MAPK10: variants seen among roughly 807,000 people sequenced by gnomAD.
The protein encoded by MAPK10 is mitogen-activated protein kinase 10.
In MAPK10, 25 loss-of-function variants were observed where a neutral mutation model predicts 59.3. The observed-to-expected ratio is 0.42, with a 90% confidence interval of 0.31 to 0.59. MAPK10 has a LOEUF of 0.59. Ranked by LOEUF, MAPK10 falls within the 20% of genes least tolerant of loss-of-function variation. The pLI is 0.15. For synonymous variants in MAPK10, 190 were observed against 200.5 expected (o/e 0.95, Z 0.44); for missense variants, 351 against 568.9 (o/e 0.62, Z 3.90).
intron 2 of MAPK10, among the ~76,000 whole-genome samples, chr4:86,251,655 T>C (rs1181438236): frequency 1.3e-4 from 17 of 134,830 alleles, no homozygotes; most frequent in African/African-American, 4.3e-4. Context: ...TGTGTCTTTA[T>C]AGCAGCATGA....
chr4:86,498,422 G>A (rs927520303), intron 1 of MAPK10, among the ~76,000 whole-genome samples: 1 of 152,130 alleles, frequency 6.6e-6, no homozygotes, highest in African/African-American at 2.4e-5. Flanking sequence ...AACACAAGGA[G>A]TAACAACAGA....
intron 1 of MAPK10, among the ~76,000 whole-genome samples, chr4:86,529,613 C>G (rs1290396037): frequency 1.3e-5 from 2 of 151,980 alleles, no homozygotes; most frequent in Non-Finnish European, 2.9e-5. Context: ...CTCTCACATA[C>G]TTGACTTGAG....
chr4:86,309,513 TC>T (rs1474527774), intron 2 of MAPK10, among the ~76,000 whole-genome samples: 2 of 152,182 alleles, frequency 1.3e-5, no homozygotes, highest in South Asian at 2.1e-4. Flanking sequence ...AGGAGATGCT[TC>T]CAGCAATACT....
intron 2 of MAPK10, among the ~76,000 whole-genome samples, chr4:86,268,911 T>C (rs994742767): frequency 2.6e-5 from 4 of 152,150 alleles, no homozygotes; most frequent in Non-Finnish European, 5.9e-5. Context: ...GTAAAATATA[T>C]ACTTCTTGAG....
chr4:86,440,320 C>T (rs1749258616), intron 1 of MAPK10, among the ~76,000 whole-genome samples: 1 of 152,090 alleles, frequency 6.6e-6, no homozygotes, highest in Non-Finnish European at 1.5e-5. Flanking sequence ...CACACAAGTA[C>T]ATTCAGTGTT....
At chr4:86,525,320 G>A (rs1248006242) in intron 1 of MAPK10, among the ~76,000 whole-genome samples, 1 of 151,946 alleles carries the variant, frequency 6.6e-6, no homozygotes, top group Non-Finnish European at 1.5e-5. Context: ...ATAAGAAAAA[G>A]AAAACGAAAC....
intron 1 of MAPK10, among the ~76,000 whole-genome samples, chr4:86,564,575 A>G (rs566023771): frequency 6.6e-6 from 1 of 152,286 alleles, no homozygotes; most frequent in East Asian, 1.9e-4. Flanking sequence ...ATGAATGGAG[A>G]CATGCACAGA....
At chr4:86,232,002 T>C (rs2091615089) in intron 2 of MAPK10, among the ~76,000 whole-genome samples, 1 of 152,202 alleles carries the variant, frequency 6.6e-6, no homozygotes, top group African/African-American at 2.4e-5. Context: ...CTGGAATTGG[T>C]CTATACCAGC....
At position 86,037,855 on chromosome 4, in the gene MAPK10, A is replaced by G. The variant is rs972540068; in HGVS notation, c.1111-6424T>C. 2.0e-5 allele frequency among the ~76,000 whole-genome samples: 3 copies of G among 152,190 alleles called. No homozygotes were observed. In the South Asian group the frequency reaches 6.2e-4, roughly 32 times the overall value. ...GAAAAGACAGAATAATGGAATTCTT[A>G]TGGTTGAAGAAACATTAAACTGGAT... On this transcript the variant is annotated intron_variant, in intron 11 of 13. Coordinates refer to ENST00000641462, the MANE Select transcript of MAPK10 (RefSeq NM_138982.4).
intron 9 of MAPK10, among the ~76,000 whole-genome samples, chr4:86,069,389 A>C (rs1304229667): frequency 6.6e-6 from 1 of 152,096 alleles, no homozygotes; most frequent in Non-Finnish European, 1.5e-5. Context: ...ATATTCCTTA[A>C]TAAAGCAGTA....
chr4:86,219,263 C>G (rs2088810675), intron 2 of MAPK10, among the ~76,000 whole-genome samples: 1 of 152,200 alleles, frequency 6.6e-6, no homozygotes, highest in Non-Finnish European at 1.5e-5. Context: ...CACACATCCT[C>G]TCTTGCACAA....
chr4:86,478,462 C>G (rs1455816147), intron 1 of MAPK10, among the ~76,000 whole-genome samples: 2 of 152,218 alleles, frequency 1.3e-5, no homozygotes, highest in Non-Finnish European at 2.9e-5. Context: ...TGCCCTAATA[C>G]TTTTAGAGGC....
intron 2 of MAPK10, among the ~76,000 whole-genome samples, chr4:86,273,196 C>A (rs1348485142): frequency 2.0e-5 from 3 of 151,658 alleles, no homozygotes; most frequent in Non-Finnish European, 2.9e-5. Flanking sequence ...CAAAGTCTAA[C>A]GTAATAAAAA....
intron 1 of MAPK10, among the ~76,000 whole-genome samples, chr4:86,484,206 A>T (rs1753811108): frequency 6.6e-6 from 1 of 152,230 alleles, no homozygotes; most frequent in Non-Finnish European, 1.5e-5. Context: ...CCTAGAAATA[A>T]CAAGAATAAA....
intron 2 of MAPK10, among the ~76,000 whole-genome samples, chr4:86,352,921 CT>C (rs777749155): frequency 2.0e-5 from 3 of 152,188 alleles, no homozygotes; most frequent in Non-Finnish European, 4.4e-5. Flanking sequence ...CCCTCTTCAA[CT>C]TTATCTCTGC....
intron 1 of MAPK10, among the ~76,000 whole-genome samples, chr4:86,445,069 G>T (rs910596213): frequency 6.6e-6 from 1 of 152,110 alleles, no homozygotes; most frequent in Non-Finnish European, 1.5e-5. Context: ...TGATTTCTGG[G>T]TATATACCCA....
At chr4:86,034,592 G>T (rs1426730957) in intron 11 of MAPK10, among the ~76,000 whole-genome samples, 1 of 152,168 alleles carries the variant, frequency 6.6e-6, no homozygotes, top group Non-Finnish European at 1.5e-5. Flanking sequence ...ATAAAAAACT[G>T]AGATTTCAAA....
At chr4:86,135,132 C>G (rs1162905516) in intron 4 of MAPK10, among the ~76,000 whole-genome samples, 2 of 152,228 alleles carry the variant, frequency 1.3e-5, no homozygotes, top group African/African-American at 4.8e-5. Context: ...ATTGCCCAGG[C>G]TTGCTTAGGT....
intron 11 of MAPK10, among the ~76,000 whole-genome samples, chr4:86,056,147 G>A (rs1379437102): frequency 1.3e-5 from 2 of 150,002 alleles, no homozygotes; most frequent in African/African-American, 2.5e-5. Flanking sequence ...TGTATAGAGA[G>A]CTGTTTGCAT....
Sources: gnomAD v4.1 joint callset for allele counts (sites outside exome capture counted in the v4.1 genomes callset) on GRCh38, gnomAD v4.1.1 for gene constraint, MANE v1.5 for transcripts, NCBI Gene and HGNC (gene_info 2026-07-23, HGNC 2026-07-21) for gene names.